Variants in RASA1 observed in about 807,000 individuals in gnomAD.
The protein encoded by RASA1 is ras GTPase-activating protein 1.
In RASA1, 25 loss-of-function variants were observed where a neutral mutation model predicts 132.2. The observed-to-expected ratio is 0.19, with a 90% CI of 0.14 to 0.26. The LOEUF (loss-of-function observed/expected upper bound fraction) is 0.26. Ranked by LOEUF, RASA1 falls within the 10% of genes least tolerant of loss-of-function variation. The pLI is 1.00. For missense variants in RASA1, 964 were observed against 1,299.2 expected, an observed-to-expected ratio of 0.74 and a Z score of 3.97; for synonymous variants, 477 against 449.9, an observed-to-expected ratio of 1.06 and a Z score of -0.76.
intron 24 of RASA1, among the ~76,000 whole-genome samples, chr5:87,390,445 C>T (rs1179180169): frequency 2.6e-5 from 4 of 151,014 alleles, no homozygotes; most frequent in South Asian, 4.2e-4. Context: ...CCGCAGCTTT[C>T]AAAACTAATA....
intron 11 of RASA1, among the ~76,000 whole-genome samples, chr5:87,365,864 T>C (rs960551388): frequency 2.0e-5 from 3 of 152,134 alleles, no homozygotes; most frequent in Non-Finnish European, 4.4e-5. Context: ...TTAAAGATTT[T>C]ATGTCAAGAT....
At chr5:87,349,407 T>A in intron 8 of RASA1, 43 bp downstream of exon 8, 1 of 1,599,144 alleles carries the variant, frequency 6.3e-7, no homozygotes, top group Non-Finnish European at 8.6e-7. Context: ...TTCGCAAAAA[T>A]AGTTGAAATC....
intron 1 of RASA1, among the ~76,000 whole-genome samples, chr5:87,291,667 G>A (rs989803985): frequency 1.3e-5 from 2 of 152,140 alleles, no homozygotes; most frequent in South Asian, 2.1e-4. Flanking sequence ...TTGTTTTCAC[G>A]AGGTCTGGTT....
intron 4 of RASA1, 140 bp from the exon 5 acceptor site, chr5:87,337,834 T>C: frequency 1.2e-6 from 1 of 853,300 alleles, no homozygotes; most frequent in Non-Finnish European, 1.7e-6. Flanking sequence ...AGAAATAGGA[T>C]ACAAATTTAG....
intron 22 of RASA1, 61 bp from the exon 23 acceptor site, chr5:87,386,765 C>G: frequency 6.9e-7 from 1 of 1,447,382 alleles, no homozygotes; most frequent in Non-Finnish European, 9.7e-7. Context: ...TTTGCACCAA[C>G]CTAATAGATC....
intron 1 of RASA1, among the ~76,000 whole-genome samples, chr5:87,323,697 T>C (rs746239338): frequency 2.0e-5 from 3 of 152,186 alleles, no homozygotes; most frequent in Non-Finnish European, 2.9e-5. Flanking sequence ...TATGGCTATA[T>C]ATCTTTTGAT....
At chr5:87,282,536 C>G (rs928571516) in intron 1 of RASA1, among the ~76,000 whole-genome samples, 2 of 152,144 alleles carry the variant, frequency 1.3e-5, no homozygotes, top group Non-Finnish European at 2.9e-5. Context: ...GTCAGGGTTT[C>G]TGTGGGTTTA....
At chr5:87,287,052 T>G (rs573500842) in intron 1 of RASA1, among the ~76,000 whole-genome samples, 1 of 146,718 alleles carries the variant, frequency 6.8e-6, no homozygotes, top group Non-Finnish European at 1.5e-5. Flanking sequence ...ACCATATATA[T>G]ACCCCATGTA....
At position 87,268,980 on chromosome 5, in the gene RASA1, C is replaced by G. The variant is rs752847187; in HGVS notation, c.529C>G (p.Pro177Ala). The G allele has an allele frequency of 6.2e-7, 1 of 1,614,216 alleles. No individual in the cohort carries two copies. The highest frequency in any genetic ancestry group is 8.5e-7 in the Non-Finnish European group (1 of 1,180,044). ...GGTGGCCATACCGTTGACCGCTCCT[C>G]CAACTAACCAGTAAGTTAAGACTGC... ...EEVAIPLTAP[P>A]TNQWYHGKLD... Residue 177 changes from proline (P) to alanine (A), a missense_variant, in exon 1 of 25, where the codon CCA becomes GCA. Pro to Ala is a conservative substitution (Grantham distance 27). This residue lies in a region of RASA1 where 326 missense variants were observed against 275.8 expected (regional missense o/e 1.18). Coordinates refer to ENST00000274376, the MANE Select transcript of RASA1 (RefSeq NM_002890.3).
At chr5:87,381,315 T>C (rs1376367022) in intron 20 of RASA1, among the ~76,000 whole-genome samples, 1 of 152,198 alleles carries the variant, frequency 6.6e-6, no homozygotes, top group Non-Finnish European at 1.5e-5. Context: ...CAATCTGATA[T>C]CCTTGAGTCT....
At position 87,272,273 on chromosome 5, in the gene RASA1, T is replaced by TTC. The variant is rs1480969565; in HGVS notation, c.539+3284_539+3285dup. Among the ~76,000 whole-genome samples, 3 of 152,312 alleles carry TTC rather than the reference T, an allele frequency of 2.0e-5. No homozygotes were observed. In the East Asian group the frequency reaches 5.8e-4, roughly 29 times the overall value. On this transcript the variant is annotated intron_variant, in intron 1 of 24. Coordinates refer to ENST00000274376, the MANE Select transcript of RASA1 (RefSeq NM_002890.3). ...TGTATGACTATGTATATGAAACTTGTTCATGTTCTAAAAAATACCCTCCAT... is the reference window on the plus strand; with the variant it reads ...TGTATGACTATGTATATGAAACTTGTTCTCATGTTCTAAAAAATACCCTCCAT...
intron 1 of RASA1, among the ~76,000 whole-genome samples, chr5:87,312,211 T>G (rs1428851959): frequency 6.6e-6 from 1 of 152,224 alleles, no homozygotes; most frequent in Non-Finnish European, 1.5e-5. Flanking sequence ...ATTTAACTTA[T>G]ATGTAACTTT....
rs181602410 is a variant in RASA1 at position 87,385,595 on chromosome 5, T to C, written c.2847+206T>C. 2.1e-3 allele frequency among the ~76,000 whole-genome samples: 324 copies of C among 152,222 alleles called. 1 individual carries two copies. The highest frequency in any genetic ancestry group is 7.6e-3 in the African/African-American group (316 of 41,566). ...TTAAAAAACACAAATTTAGCCATTA[T>C]AGAAAACGAATTTTTCAAGGTCCAG... is the stretch of plus-strand genomic sequence containing the variant. On this transcript the variant is annotated intron_variant, in intron 22 of 24. Coordinates refer to ENST00000274376, the MANE Select transcript of RASA1 (RefSeq NM_002890.3).
At chr5:87,390,373 C>CT (rs546504910) in intron 24 of RASA1, among the ~76,000 whole-genome samples, 88 of 152,246 alleles carry the variant, frequency 5.8e-4, no homozygotes, top group African/African-American at 2.1e-3. Flanking sequence ...AGTTTGGTGA[C>CT]TGAGTTCTCT....
chr5:87,292,436 T>G (rs180854980), intron 1 of RASA1, among the ~76,000 whole-genome samples: 1 of 152,056 alleles, frequency 6.6e-6, no homozygotes, highest in Non-Finnish European at 1.5e-5. Flanking sequence ...AGTCTGTCTT[T>G]GATCCATACC....
intron 17 of RASA1, among the ~76,000 whole-genome samples, chr5:87,377,578 C>G (rs1336273217): frequency 4.6e-5 from 7 of 152,098 alleles, no homozygotes; most frequent in Non-Finnish European, 5.9e-5. Context: ...TTCAGGTGAT[C>G]CGCCTGCCTC....
intron 12 of RASA1, among the ~76,000 whole-genome samples, chr5:87,370,245 T>G (rs1338668970): frequency 6.6e-6 from 1 of 152,140 alleles, no homozygotes; most frequent in African/African-American, 2.4e-5. Context: ...ACCAGTTAGT[T>G]TTGCTAACAA....
chr5:87,368,322 G>T (rs543786072), intron 11 of RASA1, among the ~76,000 whole-genome samples: 7 of 151,998 alleles, frequency 4.6e-5, no homozygotes, highest in Non-Finnish European at 8.8e-5. Flanking sequence ...TAAAGATACA[G>T]TTTCTGGCAA....
Position 87,386,828 on chromosome 5 carries a change from G to A in RASA1, c.2850G>A (p.Glu950=). The change falls in exon 23 of 25, where the codon GAG becomes GAA. Residue 950 remains glutamate, a splice_region_variant and synonymous_variant. Transcript: ENST00000274376. ...AACAGAAGCATTTTATTTTTCAGGA[G>A]CCCTACATGGAAGGTGTCAATCCAT... The part of the protein sequence containing the change: ...LANLVEFGAK[E]PYMEGVNPFI... 1 of 1,612,260 alleles carries A rather than the reference G, an allele frequency of 6.2e-7. No homozygotes were observed. The highest frequency in any genetic ancestry group is 8.5e-7 in the Non-Finnish European group (1 of 1,178,740).
Sources: gnomAD v4.1 joint callset for allele counts (sites outside exome capture counted in the v4.1 genomes callset) on GRCh38, gnomAD v4.1.1 for gene constraint, gnomAD v4.1.1 regional missense constraint, MANE v1.5 for transcripts, NCBI Gene and HGNC (gene_info 2026-07-23, HGNC 2026-07-21) for gene names.